The following CTNNA3 variants were observed in gnomAD, a reference collection of about 807,000 sequenced individuals.
The protein encoded by CTNNA3 is catenin alpha 3, also known as catenin alpha-3.
Under a neutral mutation model 95.7 loss-of-function variants are expected in CTNNA3, and 76 were observed. The observed-to-expected ratio is 0.79, with a 90% confidence interval of 0.66 to 0.96. The LOEUF is 0.96. Among genes scored for constraint, CTNNA3 ranks in the 40% least tolerant of loss-of-function variants. The pLI, the probability that CTNNA3 is intolerant of heterozygous loss-of-function variation, is 0.00. For missense variants in CTNNA3, 1,191 were observed against 1,089.8 expected, an observed-to-expected ratio of 1.09 and a Z score of -1.31; for synonymous variants, 431 against 374.4, an observed-to-expected ratio of 1.15 and a Z score of -1.74.
chr10:66,619,016 A>G (rs990634187), intron 10 of CTNNA3, among the ~76,000 whole-genome samples: 17 of 152,134 alleles, frequency 1.1e-4, no homozygotes, highest in African/African-American at 4.1e-4. Flanking sequence ...ATGAGATACC[A>G]TCTCACACCA....
At chr10:66,555,442 T>C (rs1842360766) in intron 10 of CTNNA3, among the ~76,000 whole-genome samples, 2 of 152,082 alleles carry the variant, frequency 1.3e-5, no homozygotes, top group Admixed American at 6.5e-5. Flanking sequence ...CCATGCAATA[T>C]TTGGGACATA....
intron 11 of CTNNA3, among the ~76,000 whole-genome samples, chr10:66,467,040 C>T (rs1410317873): frequency 6.6e-6 from 1 of 152,084 alleles, no homozygotes; most frequent in Non-Finnish European, 1.5e-5. Flanking sequence ...AGTAGGCATG[C>T]AATAGATATT....
intron 10 of CTNNA3, among the ~76,000 whole-genome samples, chr10:66,602,564 A>G (rs1364391141): frequency 6.6e-6 from 1 of 151,990 alleles, no homozygotes; most frequent in Non-Finnish European, 1.5e-5. Flanking sequence ...TTAAAAGCCT[A>G]CTGCACTATG....
At chr10:65,944,036 C>T (rs2077472112) in intron 17 of CTNNA3, among the ~76,000 whole-genome samples, 1 of 152,142 alleles carries the variant, frequency 6.6e-6, no homozygotes, top group Non-Finnish European at 1.5e-5. Flanking sequence ...TAGGCAAATA[C>T]CTCTTCTATA....
intron 1 of CTNNA3, among the ~76,000 whole-genome samples, chr10:67,656,737 T>C (rs1211289835): frequency 2.6e-5 from 4 of 151,958 alleles, no homozygotes; most frequent in Non-Finnish European, 5.9e-5. Flanking sequence ...GGAAGAGCAC[T>C]GCAGGCAGAA....
intron 13 of CTNNA3, among the ~76,000 whole-genome samples, chr10:66,217,352 C>CA (rs34541755): frequency 0.6 from 77,088 of 127,966 alleles, 22,026 homozygotes; most frequent in South Asian, 0.67. Context: ...GACTCTATCT[C>CA]AAAAAAAAAA....
At chr10:66,334,740 T>C (rs2092374747) in intron 12 of CTNNA3, among the ~76,000 whole-genome samples, 1 of 152,026 alleles carries the variant, frequency 6.6e-6, no homozygotes, top group South Asian at 2.1e-4. Context: ...GGAGTATCTT[T>C]GTGGCATTCT....
intron 1 of CTNNA3, among the ~76,000 whole-genome samples, chr10:67,732,205 A>G (rs1308024163): frequency 6.6e-6 from 1 of 152,082 alleles, no homozygotes; most frequent in Non-Finnish European, 1.5e-5. Context: ...GATATATTGC[A>G]TAATGGTGAG....
At chr10:66,970,500 G>A (rs1301308835) in intron 7 of CTNNA3, among the ~76,000 whole-genome samples, 4 of 127,108 alleles carry the variant, frequency 3.1e-5, no homozygotes, top group Non-Finnish European at 7.3e-5. Context: ...TATATTCTTG[G>A]GTGGGGGGGG....
At chr10:67,641,285 T>C (rs1425863780) in intron 2 of CTNNA3, among the ~76,000 whole-genome samples, 2 of 151,840 alleles carry the variant, frequency 1.3e-5, no homozygotes, top group Non-Finnish European at 2.9e-5. Context: ...ATCAGAGAAA[T>C]GCAAATCAAA....
At chr10:67,479,323 A>T (rs939793778) in intron 5 of CTNNA3, among the ~76,000 whole-genome samples, 1 of 152,208 alleles carries the variant, frequency 6.6e-6, no homozygotes, top group Non-Finnish European at 1.5e-5. Context: ...TACATGGAAC[A>T]TACTCTGAGA....
At chr10:66,755,265 A>C (rs1839318444) in intron 9 of CTNNA3, among the ~76,000 whole-genome samples, 1 of 152,180 alleles carries the variant, frequency 6.6e-6, no homozygotes, top group Admixed American at 6.5e-5. Context: ...AAATGTGTAG[A>C]GATAGAAAGT....
At chr10:65,921,937 T>C (rs2077092870) in intron 17 of CTNNA3, among the ~76,000 whole-genome samples, 1 of 151,918 alleles carries the variant, frequency 6.6e-6, no homozygotes, top group African/African-American at 2.4e-5. Context: ...CTAATATCTA[T>C]TATATGCTGT....
intron 1 of CTNNA3, among the ~76,000 whole-genome samples, chr10:67,689,628 G>A (rs111734932): frequency 0.022 from 3,383 of 152,168 alleles, 35 homozygotes; most frequent in Middle Eastern, 0.041. Flanking sequence ...ACTCATGGCC[G>A]CAGGGTCAAC....
intron 5 of CTNNA3, among the ~76,000 whole-genome samples, chr10:67,354,192 A>G (rs957725748): frequency 2.0e-5 from 3 of 152,046 alleles, no homozygotes; most frequent in Admixed American, 6.6e-5. Context: ...GACAAAAGAC[A>G]TGATCTACCC....
chr10:66,207,475 G>A (rs892338671), intron 13 of CTNNA3, among the ~76,000 whole-genome samples: 2 of 151,934 alleles, frequency 1.3e-5, no homozygotes, highest in African/African-American at 2.4e-5. Context: ...TGAGATATCC[G>A]CAATAACCAT....
intron 7 of CTNNA3, among the ~76,000 whole-genome samples, chr10:66,914,823 C>G (rs1476123728): frequency 6.6e-6 from 1 of 152,144 alleles, no homozygotes; most frequent in Non-Finnish European, 1.5e-5. Context: ...AAAGAATGCA[C>G]ATGAATGTTT....
At chr10:66,647,719 C>T (rs919055675) in intron 9 of CTNNA3, among the ~76,000 whole-genome samples, 2 of 150,942 alleles carry the variant, frequency 1.3e-5, no homozygotes, top group Non-Finnish European at 2.9e-5. Flanking sequence ...GGGCATTTCA[C>T]CTTGTTAGCC....
Position 66,540,156 on chromosome 10 carries a change from T to C in CTNNA3, c.1375-19383A>G, listed in dbSNP as rs368560466. ...ACAAGCTATGATCCCTGAAATAGAA[T>C]ATATAATCTATTTAGGATGGCAGGA... On this transcript the variant is annotated intron_variant, in intron 10 of 17. Coordinates refer to ENST00000433211, the MANE Select transcript of CTNNA3 (RefSeq NM_013266.4). 3.8e-4 allele frequency among the ~76,000 whole-genome samples: 58 copies of C among 152,204 alleles called. 1 individual carries two copies. The South Asian group carries it at 0.011, about 29-fold the overall frequency.
Sources: gnomAD v4.1 joint callset for allele counts (sites outside exome capture counted in the v4.1 genomes callset) on GRCh38, gnomAD v4.1.1 for gene constraint, MANE v1.5 for transcripts, NCBI Gene and HGNC (gene_info 2026-07-23, HGNC 2026-07-21) for gene names.